PDCD11: variants seen among roughly 807,000 people sequenced by gnomAD.
PDCD11 encodes the protein programmed cell death 11.
PDCD11 carries 97 observed loss-of-function variants against 198.9 expected under a neutral mutation model. The observed-to-expected ratio is 0.49, with a 90% CI of 0.41 to 0.58. The LOEUF is 0.58. Ranked by LOEUF, PDCD11 falls within the 20% of genes least tolerant of loss-of-function variation. PDCD11 has a pLI of 0.00. For missense variants in PDCD11, 2,102 were observed against 2,312.7 expected (o/e 0.91, Z 1.87); for synonymous variants, 893 against 918.0 (o/e 0.97, Z 0.49).
Position 103,409,716 on chromosome 10 carries a change from T to C in PDCD11, c.888T>C (p.Leu296=). 2 of 1,613,922 alleles carry C rather than the reference T, an allele frequency of 1.2e-6. No individual in the cohort carries two copies. The highest frequency in any genetic ancestry group is 1.7e-6 in the Non-Finnish European group (2 of 1,179,762). ...AQVQKVTPFG[L]TLNFLTFFTG... ...ATTTCTAGGTGACTCCATTTGGCCT[T>C]ACGCTAAACTTCCTCACATTCTTCA... The change falls in exon 8 of 36, where the codon CTT becomes CTC. Residue 296 remains leucine (L), a synonymous_variant. Transcript: ENST00000369797.
intron 24 of PDCD11, chr10:103,434,571 T>A: frequency 1.7e-6 from 1 of 589,500 alleles, no homozygotes; most frequent in Non-Finnish European, 3.0e-6. Flanking sequence ...TACCCTTACC[T>A]ACACAGGTGT....
At chr10:103,428,521 C>T (rs1340606521) in intron 21 of PDCD11, among the ~76,000 whole-genome samples, 1 of 151,856 alleles carries the variant, frequency 6.6e-6, no homozygotes, top group Non-Finnish European at 1.5e-5. Flanking sequence ...ATGAAGAAAC[C>T]TCTTCATATT....
intron 3 of PDCD11, among the ~76,000 whole-genome samples, chr10:103,401,902 C>T (rs917153288): frequency 1.3e-5 from 2 of 152,068 alleles, no homozygotes; most frequent in Non-Finnish European, 2.9e-5. Flanking sequence ...GCCACCACGC[C>T]CAGCTAAGTT....
rs142808362 is a variant in PDCD11, at chr10:103,419,691, G to A, written c.2260G>A (p.Gly754Arg). The A allele has an allele frequency of 1.1e-5, 18 of 1,613,828 alleles. No homozygotes were observed. The highest frequency in any genetic ancestry group is 4.4e-5 in the South Asian group (4 of 91,022). The change falls in exon 16 of 36, where the codon GGA (glycine) becomes AGA (arginine). Residue 754 changes from glycine to arginine, a missense_variant. Coordinates refer to ENST00000369797, the MANE Select transcript of PDCD11 (RefSeq NM_014976.2). The stretch of plus-strand genomic sequence containing the variant: ...CATCCAGTTCCCCTCAGGTCTTAGC[G>A]GACTGGCCCCAAAAGCTGTAAGTTC... ...VFIQFPSGLS[G>R]LAPKAIMSDK...
Position 103,417,743 on chromosome 10 carries a change from G to C in PDCD11, c.1771-49G>C, listed in dbSNP as rs1267548375. 10 of 1,599,728 alleles carry C rather than the reference G, an allele frequency of 6.3e-6. No individual in the cohort carries two copies. In the Admixed American group the frequency reaches 8.8e-5, roughly 14 times the overall value. On this transcript the variant is annotated intron_variant, in intron 13 of 35. Transcript: ENST00000369797. ...TAGTGGAGGGCACGTTGCAGGGCCTGCAAGGCTTGCTGGGAGGAGTTGGCC... is the reference window on the plus strand; with the variant it reads ...TAGTGGAGGGCACGTTGCAGGGCCTCCAAGGCTTGCTGGGAGGAGTTGGCC...
chr10:103,399,490 A>G (rs567986011), intron 2 of PDCD11, among the ~76,000 whole-genome samples: 2 of 152,266 alleles, frequency 1.3e-5, no homozygotes, highest in Admixed American at 6.5e-5. Context: ...AACAACAGGC[A>G]TGTTCCACTG....
chr10:103,414,448 G>C (rs1313149452), intron 11 of PDCD11, 118 bp downstream of exon 11: 1 of 679,512 alleles, frequency 1.5e-6, no homozygotes, highest in Non-Finnish European at 2.5e-6. Flanking sequence ...CATGTTCCTT[G>C]CTTCTGCCTG....
At chr10:103,437,239 T>G (rs2032188964) in intron 25 of PDCD11, among the ~76,000 whole-genome samples, 1 of 152,212 alleles carries the variant, frequency 6.6e-6, no homozygotes, top group African/African-American at 2.4e-5. Context: ...ATTCTTGGGC[T>G]CAAACAATCC....
chr10:103,413,253 T>C lies in PDCD11; in HGVS notation c.1116T>C (p.Pro372=), dbSNP rs375284105. 227 of 1,614,072 alleles carry C rather than the reference T, an allele frequency of 1.4e-4. No homozygotes were observed. The highest frequency in any genetic ancestry group is 1.8e-4 in the Non-Finnish European group (212 of 1,180,022). ...QNLGAVLDDV[P]VQGFFKKAGA... is the part of the protein sequence containing the mutation. The stretch of plus-strand genomic sequence containing the variant: ...TTGGAGCAGTGCTGGATGATGTTCC[T>C]GTCCAGGGTTTTTTCAAAAAGGCTG... The change falls in exon 9 of 36, where the codon CCT becomes CCC. Residue 372 remains proline, a synonymous_variant. Coordinates refer to ENST00000369797, the MANE Select transcript of PDCD11 (RefSeq NM_014976.2).
At chr10:103,437,463 A>G (rs940806653) in intron 25 of PDCD11, among the ~76,000 whole-genome samples, 2 of 151,704 alleles carry the variant, frequency 1.3e-5, no homozygotes, top group African/African-American at 2.4e-5. Context: ...TTGTTAGGTA[A>G]GAAGAGTAGG....
Position 103,414,374 on chromosome 10 carries a change from C to A in PDCD11, c.1371+44C>A, listed in dbSNP as rs374507080. ...AATTAGGTACTGCCTCACCATCAGG[C>A]GTTCTTTAGTTCACGCACAGGTGAC... On this transcript the variant is annotated intron_variant, in intron 11 of 35. Transcript: ENST00000369797. 1.0e-5 allele frequency: 15 copies of A among 1,435,156 alleles called. No individual in the cohort carries two copies. In the South Asian group the frequency reaches 1.3e-4, roughly 12 times the overall value. The allele number at this position is 1,435,156 out of a possible 1,614,324, so 88.9% of individuals were successfully genotyped here.
chr10:103,439,888 C>G lies in PDCD11; in HGVS notation c.4148+20C>G, dbSNP rs778450827. 1 of 1,613,650 alleles carries G rather than the reference C, an allele frequency of 6.2e-7. No individual in the cohort carries two copies. Among genetic ancestry groups the G allele is most frequent in the East Asian group, 2.2e-5 (1 of 44,872 alleles). ...CCTACGGTAGGTGCCTTCCCGTTCT[C>G]TCTCTCTCTGTAATGTGAATCAAAC... On this transcript the variant is annotated intron_variant, in intron 28 of 35. Coordinates refer to ENST00000369797, the MANE Select transcript of PDCD11 (RefSeq NM_014976.2).
At chr10:103,413,932 C>G (rs1199789891) in intron 9 of PDCD11, 34 bp from the exon 10 acceptor site, 1 of 1,575,612 alleles carries the variant, frequency 6.3e-7, no homozygotes. Flanking sequence ...ACCTGTTGTC[C>G]CTGGCTTATC....
At chr10:103,427,460 T>G in intron 21 of PDCD11, 69 bp downstream of exon 21, 1 of 1,274,672 alleles carries the variant, frequency 7.8e-7, no homozygotes, top group Non-Finnish European at 1.1e-6. Flanking sequence ...AATCCCGAAT[T>G]CGAATCTTGA....
chr10:103,440,612 ATCC>A (rs778615303), intron 29 of PDCD11, 31 bp downstream of exon 29: 11 of 1,608,794 alleles, frequency 6.8e-6, no homozygotes, highest in Non-Finnish European at 8.5e-6. Flanking sequence ...GTGGCTGCCT[ATCC>A]TCCTCCTGGA....
intron 32 of PDCD11, 115 bp downstream of exon 32, chr10:103,442,575 C>T: frequency 1.8e-6 from 2 of 1,139,846 alleles, no homozygotes; most frequent in South Asian, 2.9e-5. Context: ...GTGGCTGCCA[C>T]CAGGGGCCCA....
At position 103,418,546 on chromosome 10, in the gene PDCD11, T is replaced by C; in HGVS notation, c.2018T>C (p.Val673Ala). The change falls in exon 15 of 36, where the codon GTT becomes GCT. Residue 673 changes from valine to alanine, a missense_variant. Coordinates refer to ENST00000369797, the MANE Select transcript of PDCD11 (RefSeq NM_014976.2). ...FLPTSHLSDH[V>A]ANGPLLHHWL... ...CCCACATCTCATCTGTCGGACCACG[T>C]TGCCAACGGCCCATTGTTACATCAT... The C allele has an allele frequency of 6.2e-7, 1 of 1,614,192 alleles. No homozygotes were observed. The highest frequency in any genetic ancestry group is 1.1e-5 in the South Asian group (1 of 91,082).
At chr10:103,409,855 T>A (rs2030690365) in intron 8 of PDCD11, 49 bp downstream of exon 8, 1 of 1,361,464 alleles carries the variant, frequency 7.3e-7, no homozygotes, top group Non-Finnish European at 1.1e-6. Flanking sequence ...GTGGTCCATT[T>A]GCTGTCCAGT....
Position 103,398,904 on chromosome 10 carries a change from C to T in PDCD11, c.102+376C>T, listed in dbSNP as rs1301697499. Among the ~76,000 whole-genome samples, 4 of 152,114 alleles carry T rather than the reference C, an allele frequency of 2.6e-5. No individual in the cohort carries two copies. The East Asian group carries it at 5.8e-4, about 22-fold the overall frequency. ...GGTAGTATACCTGTAGTCCTAGCTACTTGGGAGGCTGAGGCATGAGAATTG... is the reference window on the plus strand; with the variant it reads ...GGTAGTATACCTGTAGTCCTAGCTATTTGGGAGGCTGAGGCATGAGAATTG... On this transcript the variant is annotated intron_variant, in intron 2 of 35. Coordinates refer to ENST00000369797, the MANE Select transcript of PDCD11 (RefSeq NM_014976.2).
Sources: allele counts gnomAD v4.1 joint callset (sites outside exome capture counted in the v4.1 genomes callset), GRCh38; gene constraint gnomAD v4.1.1; transcripts MANE v1.5; gene names NCBI Gene and HGNC (gene_info 2026-07-23, HGNC 2026-07-21).